The following TEKTL1 variants were observed in gnomAD, a reference collection of about 807,000 sequenced individuals.
The protein encoded by TEKTL1 is tektin like 1.
chr19:15,023,253 A>T, the TEKTL1 span: 62 of 778,372 alleles, frequency 8.0e-5, no homozygotes, highest in Admixed American at 1.7e-3. Context: ...AATTATAATT[A>T]AAAATAACAA....
chr19:15,021,128 G>A, the TEKTL1 span, among the ~76,000 whole-genome samples: 13 of 152,130 alleles, frequency 8.5e-5, no homozygotes, highest in African/African-American at 1.9e-4. Flanking sequence ...TGATCCACCC[G>A]CCTCAGCCTC....
the TEKTL1 span, among the ~76,000 whole-genome samples, chr19:15,020,879 C>CCT: frequency 6.9e-6 from 1 of 144,870 alleles, no homozygotes; most frequent in East Asian, 2.1e-4. Flanking sequence ...ACAGGCTCTG[C>CCT]TTTTTTTTTT....
the TEKTL1 span, chr19:15,021,978 C>T: frequency 2.3e-6 from 3 of 1,332,740 alleles, no homozygotes; most frequent in East Asian, 2.3e-5. Flanking sequence ...AGGCTCCTTC[C>T]TCAAGCACAT....
At chr19:15,022,096 G>A in the TEKTL1 span, among the ~76,000 whole-genome samples, 2 of 152,044 alleles carry the variant, frequency 1.3e-5, no homozygotes, top group Non-Finnish European at 2.9e-5. Flanking sequence ...GTACTGGCGG[G>A]GGCTTCAGTG....
At chr19:15,013,807 G>C in the TEKTL1 span, 1 of 1,442,896 alleles carries the variant, frequency 6.9e-7, no homozygotes, top group East Asian at 2.3e-5. Context: ...AGTTACGGGG[G>C]CTGGAGGGGG....
the TEKTL1 span, chr19:15,010,981 C>G: frequency 6.3e-7 from 1 of 1,593,068 alleles, no homozygotes; most frequent in Non-Finnish European, 8.5e-7. Context: ...CCAAGGACAG[C>G]GTGCTGGACC....
At chr19:15,023,093 C>G in the TEKTL1 span, 3 of 1,607,692 alleles carry the variant, frequency 1.9e-6, no homozygotes, top group African/African-American at 4.0e-5. Context: ...GCCGCCGCCG[C>G]GCAGCAAGAG....
chr19:15,023,209 C>T, the TEKTL1 span: 1 of 1,162,890 alleles, frequency 8.6e-7, no homozygotes, highest in South Asian at 1.6e-5. Context: ...TCCCTCTCCC[C>T]TGACGCACCC....
chr19:15,020,772 A>T, the TEKTL1 span: 1 of 857,822 alleles, frequency 1.2e-6, no homozygotes, highest in East Asian at 2.7e-5. Flanking sequence ...CCTAGAGTCA[A>T]TGGGAGGACT....
the TEKTL1 span, chr19:15,011,450 G>T: frequency 2.2e-6 from 3 of 1,341,000 alleles, no homozygotes; most frequent in Non-Finnish European, 2.9e-6. Flanking sequence ...TGAGGCCTCC[G>T]CTATGCGGTG....
At chr19:15,012,360 T>G in the TEKTL1 span, among the ~76,000 whole-genome samples, 2 of 151,946 alleles carry the variant, frequency 1.3e-5, no homozygotes, top group Non-Finnish European at 2.9e-5. Flanking sequence ...GGCCAGGAGT[T>G]TGAGGCCAGC....
the TEKTL1 span, chr19:15,013,704 G>C: frequency 6.2e-7 from 1 of 1,613,752 alleles, no homozygotes; most frequent in East Asian, 2.2e-5. Flanking sequence ...TGCTTACATG[G>C]GAGAAAGAGG....
chr19:15,022,863 C>G, the TEKTL1 span: 4 of 1,582,386 alleles, frequency 2.5e-6, 1 homozygote, highest in Middle Eastern at 5.0e-4. Flanking sequence ...GCCCTGCTCC[C>G]TATCCAGGGC....
chr19:15,012,660 T>A, the TEKTL1 span, among the ~76,000 whole-genome samples: 1 of 151,922 alleles, frequency 6.6e-6, no homozygotes, highest in Non-Finnish European at 1.5e-5. Context: ...GATCCTCAGC[T>A]TCCCTGCCCC....
At chr19:15,017,522 G>A in the TEKTL1 span, among the ~76,000 whole-genome samples, 1 of 152,114 alleles carries the variant, frequency 6.6e-6, no homozygotes, top group Non-Finnish European at 1.5e-5. Context: ...TGGGAGGGGG[G>A]AACTCAGAGA....
the TEKTL1 span, chr19:15,020,690 T>C: frequency 1.9e-6 from 3 of 1,567,960 alleles, no homozygotes. Context: ...GTCGTATTGG[T>C]GCCCACCCAG....
At chr19:15,023,209 C>A in the TEKTL1 span, 1 of 1,162,890 alleles carries the variant, frequency 8.6e-7, no homozygotes, top group East Asian at 2.5e-5. Context: ...TCCCTCTCCC[C>A]TGACGCACCC....
At chr19:15,023,099 A>T in the TEKTL1 span, 1 of 1,607,224 alleles carries the variant, frequency 6.2e-7, no homozygotes, top group Non-Finnish European at 8.5e-7. Context: ...GCCGCGCAGC[A>T]AGAGCAGCGC....
the TEKTL1 span, among the ~76,000 whole-genome samples, chr19:15,016,660 T>C: frequency 3.9e-5 from 6 of 152,234 alleles, no homozygotes; most frequent in African/African-American, 1.2e-4. Context: ...GGACATAAAG[T>C]GTACACTCTG....
Sources: allele counts gnomAD v4.1 joint callset (sites outside exome capture counted in the v4.1 genomes callset), GRCh38; gene constraint gnomAD v4.1.1; transcripts MANE v1.5; gene names NCBI Gene and HGNC (gene_info 2026-07-23, HGNC 2026-07-21).